Variants in MEGF9 observed in about 807,000 individuals in gnomAD.
MEGF9 encodes the protein multiple EGF like domains 9.
Under a neutral mutation model 46.8 loss-of-function variants are expected in MEGF9, and 6 were observed. The ratio of observed to expected loss-of-function variants is 0.13; its 90% CI spans 0.07 to 0.25. The LOEUF (loss-of-function observed/expected upper bound fraction) is 0.25. MEGF9 is among the 10% of genes least tolerant of loss of function. The probability of loss-of-function intolerance (pLI) is 1.00; values close to 1 mark genes in which losing one functional copy is unlikely to be tolerated. For synonymous variants in MEGF9, 302 were observed against 330.7 expected (o/e 0.91, Z 0.94); for missense variants, 683 against 792.4 (o/e 0.86, Z 1.66).
chr9:120,684,850 T>C (rs192678527), intron 1 of MEGF9, among the ~76,000 whole-genome samples: 75 of 152,172 alleles, frequency 4.9e-4, no homozygotes, highest in Admixed American at 1.0e-3. Context: ...TTTTTTTTTT[T>C]TGAGACGGAG....
chr9:120,612,348 A>C, intron 4 of MEGF9, 48 bp downstream of exon 4: 1 of 1,582,232 alleles, frequency 6.3e-7, no homozygotes, highest in Non-Finnish European at 8.6e-7. Flanking sequence ...CCTATTGATA[A>C]CTGATTTTTT....
chr9:120,603,691 T>A lies in MEGF9; in HGVS notation c.*1499A>T, dbSNP rs1313287123. 1 of 152,238 alleles carries A rather than the reference T, an allele frequency of 6.6e-6. No individual in the cohort carries two copies. Among genetic ancestry groups the A allele is most frequent in the Non-Finnish European group, 1.5e-5 (1 of 68,044 alleles). The allele number at this position is 152,238 out of a possible 1,614,324, so 9.4% of individuals were successfully genotyped here. A position where few individuals can be genotyped will look rare whatever the true frequency, so the allele number is the denominator to read the frequency against. On this transcript the variant is annotated 3_prime_UTR_variant, in exon 6 of 6. Coordinates refer to ENST00000373930, the MANE Select transcript of MEGF9 (RefSeq NM_001080497.3). Reference sequence around the variant, plus strand: ...TTAACCCAAAATGTCAATATCATAATAAACGAGAGCAACAGTAGTTGGCCT... The same window carrying A: ...TTAACCCAAAATGTCAATATCATAAAAAACGAGAGCAACAGTAGTTGGCCT...
intron 3 of MEGF9, among the ~76,000 whole-genome samples, chr9:120,616,110 A>G (rs1472083480): frequency 6.6e-6 from 1 of 152,068 alleles, no homozygotes; most frequent in Non-Finnish European, 1.5e-5. Context: ...TAGTCTAGAA[A>G]TTATCTCTAG....
intron 1 of MEGF9, among the ~76,000 whole-genome samples, chr9:120,691,127 C>T (rs2043846152): frequency 6.6e-6 from 1 of 151,992 alleles, no homozygotes; most frequent in Non-Finnish European, 1.5e-5. Flanking sequence ...AGTTTTCATC[C>T]TCAGTTGAGT....
At chr9:120,679,504 T>C (rs542350654) in intron 1 of MEGF9, among the ~76,000 whole-genome samples, 1 of 151,338 alleles carries the variant, frequency 6.6e-6, no homozygotes, top group Non-Finnish European at 1.5e-5. Context: ...GGGATTGCAT[T>C]AGGAGACATA....
intron 1 of MEGF9, among the ~76,000 whole-genome samples, chr9:120,687,377 G>A (rs1300601060): frequency 6.6e-6 from 1 of 152,082 alleles, no homozygotes; most frequent in African/African-American, 2.4e-5. Context: ...TGATTCCTAT[G>A]CACATTAATT....
At chr9:120,665,519 C>A (rs932643590) in intron 1 of MEGF9, among the ~76,000 whole-genome samples, 1 of 152,062 alleles carries the variant, frequency 6.6e-6, no homozygotes, top group Non-Finnish European at 1.5e-5. Context: ...CTACTCCTTA[C>A]TTTCATGAGC....
At position 120,683,724 on chromosome 9, in the gene MEGF9, C is replaced by G. The variant is rs566780967; in HGVS notation, c.602-24149G>C. ...CCTGGGCAACATGGTAAAACTCTGTCTCTACTTAAAATACAAAAAATTAGC... is the reference window on the plus strand; with the variant it reads ...CCTGGGCAACATGGTAAAACTCTGTGTCTACTTAAAATACAAAAAATTAGC... On this transcript the variant is annotated intron_variant, in intron 1 of 5. Transcript: ENST00000373930. 3.8e-3 allele frequency among the ~76,000 whole-genome samples: 585 copies of G among 152,062 alleles called. 5 individuals carry two copies. The highest frequency in any genetic ancestry group is 0.013 in the African/African-American group (550 of 41,488).
chr9:120,631,103 T>C (rs1033246075), intron 2 of MEGF9, among the ~76,000 whole-genome samples: 3 of 152,240 alleles, frequency 2.0e-5, no homozygotes, highest in Admixed American at 1.3e-4. Context: ...AGTAGTTTCA[T>C]AGTTTTCAGT....
intron 1 of MEGF9, among the ~76,000 whole-genome samples, chr9:120,668,860 AG>A (rs1453963302): frequency 3.3e-5 from 5 of 152,194 alleles, no homozygotes; most frequent in Admixed American, 3.3e-4. Context: ...GTACCAAAGA[AG>A]AGACTGAAGC....
intron 2 of MEGF9, among the ~76,000 whole-genome samples, chr9:120,640,932 C>A (rs548341553): frequency 3.8e-5 from 5 of 132,856 alleles, no homozygotes; most frequent in Non-Finnish European, 6.1e-5. Context: ...ATGTTTAGAT[C>A]CCACTTATAA....
intron 5 of MEGF9, among the ~76,000 whole-genome samples, chr9:120,606,865 G>C (rs2043422382): frequency 6.6e-6 from 1 of 152,090 alleles, no homozygotes; most frequent in Non-Finnish European, 1.5e-5. Context: ...AAGAGGCAAA[G>C]TTTATATATA....
At chr9:120,643,248 GA>G (rs1308446064) in intron 2 of MEGF9, among the ~76,000 whole-genome samples, 1 of 152,004 alleles carries the variant, frequency 6.6e-6, no homozygotes. Flanking sequence ...ATCTGAGATG[GA>G]AAAAGTCATG....
At chr9:120,631,651 A>C (rs1238237299) in intron 2 of MEGF9, among the ~76,000 whole-genome samples, 1 of 151,222 alleles carries the variant, frequency 6.6e-6, no homozygotes, top group Non-Finnish European at 1.5e-5. Context: ...TGCCTGGGTA[A>C]TTTTTGTAAT....
intron 1 of MEGF9, among the ~76,000 whole-genome samples, chr9:120,666,460 C>G (rs1028857695): frequency 1.3e-5 from 2 of 152,184 alleles, no homozygotes; most frequent in African/African-American, 4.8e-5. Context: ...GAGTATCCCT[C>G]TATTTGAATG....
intron 1 of MEGF9, among the ~76,000 whole-genome samples, chr9:120,682,536 C>T (rs2043803036): frequency 6.6e-6 from 1 of 151,998 alleles, no homozygotes; most frequent in Non-Finnish European, 1.5e-5. Flanking sequence ...GTTGGTTCCA[C>T]ATTTTGTAGT....
chr9:120,678,194 T>G (rs2043782068), intron 1 of MEGF9, among the ~76,000 whole-genome samples: 2 of 152,220 alleles, frequency 1.3e-5, no homozygotes, highest in South Asian at 4.1e-4. Flanking sequence ...ATTAGTCTGT[T>G]GATGGATACT....
intron 1 of MEGF9, among the ~76,000 whole-genome samples, chr9:120,693,594 G>C (rs531534881): frequency 1.3e-5 from 2 of 152,328 alleles, no homozygotes; most frequent in African/African-American, 4.8e-5. Flanking sequence ...GCAAGTTTAA[G>C]TAAACATTTT....
chr9:120,623,883 TAATC>T (rs1167856717), intron 2 of MEGF9, among the ~76,000 whole-genome samples: 1 of 152,230 alleles, frequency 6.6e-6, no homozygotes, highest in Non-Finnish European at 1.5e-5. Context: ...TTTAAAATGT[TAATC>T]AAAATATGCT....
Sources: allele counts gnomAD v4.1 joint callset (sites outside exome capture counted in the v4.1 genomes callset), GRCh38; gene constraint gnomAD v4.1.1; transcripts MANE v1.5; gene names NCBI Gene and HGNC (gene_info 2026-07-23, HGNC 2026-07-21).